TACC2: variants seen among roughly 807,000 people sequenced by gnomAD.
TACC2 encodes the protein transforming acidic coiled-coil containing protein 2, also known as transforming acidic coiled-coil-containing protein 2.
TACC2 carries 137 observed loss-of-function variants against 227.3 expected under a neutral mutation model. That is an observed-to-expected ratio of 0.60 (90% CI 0.52 to 0.69). The LOEUF is 0.69. Ranked by LOEUF, TACC2 falls within the 30% of genes least tolerant of loss-of-function variation. The pLI is 0.00. For missense variants in TACC2, 3,470 were observed against 3,694.4 expected (o/e 0.94, Z 1.57); for synonymous variants, 1,523 against 1,487.5 (o/e 1.02, Z -0.55).
chr10:122,189,072 A>C, intron 7 of TACC2, among the ~76,000 whole-genome samples: 1 of 152,120 alleles, frequency 6.6e-6, no homozygotes, highest in Non-Finnish European at 1.5e-5. Context: ...CCTTTTGTAT[A>C]TGCAGGATGG....
At chr10:122,212,689 T>C (rs1192451946) in intron 9 of TACC2, among the ~76,000 whole-genome samples, 1 of 152,116 alleles carries the variant, frequency 6.6e-6, no homozygotes, top group Admixed American at 6.5e-5. Context: ...CATTCTGGGC[T>C]CCCCCTAACA....
At chr10:122,064,661 T>C (rs534772488) in intron 3 of TACC2, among the ~76,000 whole-genome samples, 1 of 152,346 alleles carries the variant, frequency 6.6e-6, no homozygotes, top group African/African-American at 2.4e-5. Context: ...TCTGATGAAT[T>C]TGACAAATGC....
rs772464828 is a variant in TACC2, at chr10:122,084,764, T to C, written c.2264T>C (p.Leu755Ser). The C allele has an allele frequency of 1.2e-6, 2 of 1,613,550 alleles. No homozygotes were observed. The highest frequency in any genetic ancestry group is 2.2e-5 in the South Asian group (2 of 91,084). Reference sequence around the variant, plus strand: ...ATGGGCAGCTGTGATGGGGAGGGCTTGCTGACGTCCCCAGATCAACCCCGC... The same window carrying C: ...ATGGGCAGCTGTGATGGGGAGGGCTCGCTGACGTCCCCAGATCAACCCCGC... The part of the protein sequence containing the change: ...RKMGSCDGEG[L>S]LTSPDQPRGP... The change falls in exon 4 of 23, where the codon TTG becomes TCG. Residue 755 changes from leucine (L) to serine (S), a missense_variant. By Grantham distance (145) the Leu-to-Ser change is moderately radical. This residue lies in a region of TACC2 where 1,924 missense variants were observed against 1,978.3 expected (regional missense o/e 0.97). Coordinates refer to ENST00000369005, the MANE Select transcript of TACC2 (RefSeq NM_206862.4).
At chr10:122,159,243 CT>C (rs34603793) in intron 7 of TACC2, among the ~76,000 whole-genome samples, 1 of 152,164 alleles carries the variant, frequency 6.6e-6, no homozygotes, top group Non-Finnish European at 1.5e-5. Context: ...CGGATTGGGA[CT>C]TTTTTGCAAA....
intron 5 of TACC2, among the ~76,000 whole-genome samples, chr10:122,095,741 C>T (rs756937929): frequency 2.3e-4 from 35 of 152,236 alleles, no homozygotes; most frequent in Admixed American, 5.2e-4. Flanking sequence ...CCTACAGCAA[C>T]GCTGTCCACC....
intron 13 of TACC2, 94 bp from the exon 14 acceptor site, chr10:122,227,743 T>G: frequency 7.3e-7 from 1 of 1,365,020 alleles, no homozygotes; most frequent in African/African-American, 1.5e-5. Context: ...AGTCCAGGAT[T>G]CCTTGTGATA....
At chr10:122,176,242 C>T (rs2093713719) in intron 7 of TACC2, among the ~76,000 whole-genome samples, 1 of 151,716 alleles carries the variant, frequency 6.6e-6, no homozygotes, top group Admixed American at 6.6e-5. Context: ...AGATGGCTTT[C>T]ATTCTGAGTT....
At chr10:122,063,603 T>C (rs2136484952) in intron 3 of TACC2, among the ~76,000 whole-genome samples, 1 of 152,216 alleles carries the variant, frequency 6.6e-6, no homozygotes, top group South Asian at 2.1e-4. Context: ...TTGTAGCAAC[T>C]TGGAACATAG....
chr10:122,022,259 A>G (rs1957423804), intron 2 of TACC2: 2 of 442,312 alleles, frequency 4.5e-6, no homozygotes, highest in South Asian at 6.2e-5. Flanking sequence ...TATTATTTTT[A>G]AAGACATGGT....
At chr10:122,020,606 AC>A (rs1005886778) in intron 1 of TACC2, among the ~76,000 whole-genome samples, 1 of 152,062 alleles carries the variant, frequency 6.6e-6, no homozygotes, top group Non-Finnish European at 1.5e-5. Context: ...TATGATGAAA[AC>A]CATATTTCCA....
intron 7 of TACC2, among the ~76,000 whole-genome samples, chr10:122,171,521 A>T (rs2093471829): frequency 6.6e-6 from 1 of 152,218 alleles, no homozygotes; most frequent in Non-Finnish European, 1.5e-5. Context: ...GGAGTTCCAG[A>T]GTCTGCGGAT....
intron 5 of TACC2, among the ~76,000 whole-genome samples, chr10:122,096,444 C>T (rs1435379387): frequency 6.6e-6 from 1 of 152,184 alleles, no homozygotes; most frequent in Non-Finnish European, 1.5e-5. Context: ...CGCCTATAAT[C>T]CCAGCACTTT....
intron 8 of TACC2, among the ~76,000 whole-genome samples, chr10:122,200,781 G>A (rs1225676517): frequency 1.4e-5 from 2 of 147,204 alleles, no homozygotes; most frequent in Admixed American, 1.4e-4. Context: ...TGCCCACAGT[G>A]GCCATGTTCA....
chr10:122,176,115 CTCTA>C lies in TACC2; in HGVS notation c.5835-18923_5835-18920del, dbSNP rs1325225415. 6.5e-3 allele frequency among the ~76,000 whole-genome samples: 304 copies of C among 47,092 alleles called. 1 individual carries two copies. The highest frequency in any genetic ancestry group is 0.013 in the South Asian group (20 of 1,492). 30.9% of individuals were successfully genotyped at this position (47,092 alleles called of 152,430 possible). ...TCTCTCTCTCTCTCTCTCTCTCTCTCTCTATATATATATATATATATATATATAT... is the reference window on the plus strand; with the variant it reads ...TCTCTCTCTCTCTCTCTCTCTCTCTCTATATATATATATATATATATATAT... On this transcript the variant is annotated intron_variant, in intron 7 of 22. Transcript: ENST00000369005.
intron 2 of TACC2, among the ~76,000 whole-genome samples, chr10:122,028,088 T>TTTTTTTTTTCTTTTTTTCTTTCTTTC (rs1217270392): frequency 9.1e-6 from 1 of 110,002 alleles, no homozygotes; most frequent in African/African-American, 4.1e-5. Context: ...TTCTTTCTTT[T>TTTTTTTTTTCTTTTTTTCTTTCTTTC]TTTTTTTTTT....
chr10:121,993,612 G>A (rs762301284), intron 1 of TACC2, among the ~76,000 whole-genome samples: 93 of 152,006 alleles, frequency 6.1e-4, no homozygotes, highest in Non-Finnish European at 1.2e-3. Flanking sequence ...GCTTTTGTTT[G>A]TTTGTTTTTT....
intron 9 of TACC2, chr10:122,213,287 C>CT: frequency 6.3e-7 from 1 of 1,576,080 alleles, no homozygotes; most frequent in Non-Finnish European, 8.7e-7. Flanking sequence ...GCAGATTTAT[C>CT]TTTTTTGTCA....
chr10:122,021,735 T>G (rs1399128975), intron 1 of TACC2, among the ~76,000 whole-genome samples: 1 of 152,118 alleles, frequency 6.6e-6, no homozygotes, highest in Non-Finnish European at 1.5e-5. Flanking sequence ...GGGTGGGGAA[T>G]GAAAACACCA....
chr10:122,142,484 T>G (rs1327236021), intron 6 of TACC2, among the ~76,000 whole-genome samples: 1 of 152,226 alleles, frequency 6.6e-6, no homozygotes, highest in African/African-American at 2.4e-5. Context: ...GTGTACAGTG[T>G]GGGTGCCTAT....
Sources: allele counts gnomAD v4.1 joint callset (sites outside exome capture counted in the v4.1 genomes callset), GRCh38; gene constraint gnomAD v4.1.1; regional missense constraint gnomAD v4.1.1; transcripts MANE v1.5; gene names NCBI Gene and HGNC (gene_info 2026-07-23, HGNC 2026-07-21).